Variants in SIRPB1 observed in about 807,000 individuals in gnomAD.
SIRPB1 encodes signal regulatory protein beta 1.
Under a neutral mutation model 34.1 loss-of-function variants are expected in SIRPB1, and 28 were observed. The ratio of observed to expected loss-of-function variants is 0.82; its 90% confidence interval spans 0.61 to 1.12. SIRPB1 has a LOEUF of 1.12. Ranked by LOEUF, SIRPB1 falls within the 50% of genes most tolerant of loss-of-function variation. SIRPB1 has a pLI of 0.00. For synonymous variants in SIRPB1, 211 were observed against 203.8 expected (o/e 1.04, Z -0.30); for missense variants, 499 against 507.0 (o/e 0.98, Z 0.15).
chr20:1,569,327 C>A (rs2091190459), intron 4 of SIRPB1, among the ~76,000 whole-genome samples: 1 of 152,160 alleles, frequency 6.6e-6, no homozygotes, highest in African/African-American at 2.4e-5. Flanking sequence ...ATGTATGCTC[C>A]ATTTTAGATG....
rs2091463751 is a variant in SIRPB1 at position 1,598,200 on chromosome 20, C to T, written c.77-19506G>A. On this transcript the variant is annotated intron_variant, in intron 1 of 5. Transcript: ENST00000381605. ...GGGAAGGAGCTGTGGGTAACATGTC[C>T]ATATTTAATCATCTGCTCATCATTT... 5.4e-6 allele frequency: 2 copies of T among 371,324 alleles called. 1 individual carries two copies. The highest frequency in any genetic ancestry group is 6.2e-6 in the Non-Finnish European group (2 of 324,858). The allele number at this position is 371,324 out of a possible 1,614,324, so 23.0% of individuals were successfully genotyped here. A position where few individuals can be genotyped will look rare whatever the true frequency, so the allele number is the denominator to read the frequency against.
At chr20:1,614,986 CT>C in intron 1 of SIRPB1, among the ~76,000 whole-genome samples, 1 of 152,148 alleles carries the variant, frequency 6.6e-6, no homozygotes, top group South Asian at 2.1e-4. Context: ...ATCTGCCTTT[CT>C]TCAAGAGCAC....
At chr20:1,618,632 C>T (rs1165195954) in intron 1 of SIRPB1, among the ~76,000 whole-genome samples, 2 of 152,176 alleles carry the variant, frequency 1.3e-5, no homozygotes, top group Non-Finnish European at 2.9e-5. Context: ...CCCTCTAGGG[C>T]CTGTGAGGTG....
rs1568699426 is a variant in SIRPB1 at position 1,603,817 on chromosome 20, A to C, written c.76+16052T>G. ...AATTTGAAGTAACCTTACCAGGAGCAGTATTTGAGCCCTGCTCCTTCGGGT... is the reference window on the plus strand; with the variant it reads ...AATTTGAAGTAACCTTACCAGGAGCCGTATTTGAGCCCTGCTCCTTCGGGT... On this transcript the variant is annotated intron_variant, in intron 1 of 5. Coordinates refer to ENST00000381605, the MANE Select transcript of SIRPB1 (RefSeq NM_006065.5). 3.4e-6 allele frequency: 2 copies of C among 595,702 alleles called. 1 individual carries two copies. 36.9% of individuals were successfully genotyped at this position (595,702 alleles called of 1,614,324 possible).
At position 1,564,151 on chromosome 20, in the gene SIRPB1, C is replaced by T. The variant is rs2091100084; in HGVS notation, c.*1349G>A. The stretch of plus-strand genomic sequence containing the variant: ...AGTGTGAGAGTTTCTAATATTTTGA[C>T]AAAAAATGGTAAAGGTCACAGAATG... On this transcript the variant is annotated 3_prime_UTR_variant, in exon 6 of 6. Transcript: ENST00000381605. The T allele has an allele frequency of 1.3e-5, 2 of 151,994 alleles. No individual in the cohort carries two copies. Among genetic ancestry groups the T allele is most frequent in the South Asian group, 2.1e-4 (1 of 4,830 alleles). The allele number at this position is 151,994 out of a possible 1,614,324, so 9.4% of individuals were successfully genotyped here.
Position 1,578,399 on chromosome 20 carries a change from C to G in SIRPB1, c.372G>C (p.Arg124=), listed in dbSNP as rs1335034552. Residue 124 remains arginine, a synonymous_variant, in exon 2 of 6, where the codon CGG becomes CGC. Coordinates refer to ENST00000381605, the MANE Select transcript of SIRPB1 (RefSeq NM_006065.5). ...DAGTYYCVKF[R]KGSPDDVEFK... is the part of the protein sequence containing the mutation. Reference sequence around the variant, plus strand: ...ACTCCACGTCGTCAGGGCTCCCTTTCCGGAACTTCACACAGTAGTAGGTGC... The same window carrying G: ...ACTCCACGTCGTCAGGGCTCCCTTTGCGGAACTTCACACAGTAGTAGGTGC... The G allele has an allele frequency of 6.3e-7, 1 of 1,587,794 alleles. No individual in the cohort carries two copies.
chr20:1,566,331 C>A, intron 4 of SIRPB1, 64 bp from the exon 5 acceptor site: 1 of 948,650 alleles, frequency 1.1e-6, no homozygotes. Context: ...CCAGGGGCCT[C>A]CACTTACCCC....
At chr20:1,579,239 A>G (rs1242411000) in intron 1 of SIRPB1, among the ~76,000 whole-genome samples, 1 of 148,286 alleles carries the variant, frequency 6.7e-6, no homozygotes, top group Non-Finnish European at 1.5e-5. Context: ...GGTGTCAGCC[A>G]CCGCGCCTGG....
intron 1 of SIRPB1, among the ~76,000 whole-genome samples, chr20:1,612,142 G>A (rs117788504): frequency 0.35 from 24,397 of 70,428 alleles, 10,574 homozygotes; most frequent in Middle Eastern, 0.51. Context: ...CCACAGGTGC[G>A]TTCCACCATA....
Position 1,562,306 on chromosome 20 carries a change from A to C in SIRPB1, c.*3194T>G. Among the ~76,000 whole-genome samples the C allele has an allele frequency of 6.6e-6, 1 of 152,166 alleles. No individual in the cohort carries two copies. Among genetic ancestry groups the C allele is most frequent in the East Asian group, 1.9e-4 (1 of 5,198 alleles). On this transcript the variant is annotated 3_prime_UTR_variant, in exon 6 of 6. Transcript: ENST00000381605. ...ACAAGCCAAGTGATCAAATGAAGAG[A>C]AGTTTTCTTTTGAAATCCAACACCT...
chr20:1,571,030 A>G lies in SIRPB1; in HGVS notation c.859T>C (p.Leu287=), dbSNP rs1600101414. The change falls in exon 4 of 6, where the codon TTG becomes CTG. Residue 287 remains leucine, a synonymous_variant. Transcript: ENST00000381605. ...FYPRGLQLTW[L]ENGNVSRTET... is the part of the protein sequence containing the mutation. ...GTCCGGGACACATTTCCATTCTCCA[A>G]CCAGGTCAGCTGTAGTCCCCGGGGG... 5.6e-6 allele frequency: 9 copies of G among 1,613,938 alleles called. No individual in the cohort carries two copies. The highest frequency in any genetic ancestry group is 2.2e-5 in the East Asian group (1 of 44,886).
chr20:1,576,585 C>G (rs1291287374), intron 2 of SIRPB1, among the ~76,000 whole-genome samples: 1 of 148,080 alleles, frequency 6.8e-6, no homozygotes, highest in Non-Finnish European at 1.5e-5. Flanking sequence ...GATGCTAGAG[C>G]CAGATGTTAA....
In SIRPB1 at chr20:1,600,862, G is replaced by A. The variant is rs1206328325; in HGVS notation, c.76+19007C>T. Among the ~76,000 whole-genome samples the A allele has an allele frequency of 4.1e-5, 2 of 49,320 alleles. 1 individual carries two copies. Among genetic ancestry groups the A allele is most frequent in the Non-Finnish European group, 7.8e-5 (2 of 25,494 alleles). 32.4% of individuals were successfully genotyped at this position (49,320 alleles called of 152,430 possible). A position where few individuals can be genotyped will look rare whatever the true frequency, so the allele number is the denominator to read the frequency against. ...CTCATCAAGATCAGCTGGCAATGAG[G>A]ACCCCAGGGCTGGTAGTGAATGGAG... is the stretch of plus-strand genomic sequence containing the variant. On this transcript the variant is annotated intron_variant, in intron 1 of 5. Transcript: ENST00000381605.
intron 4 of SIRPB1, among the ~76,000 whole-genome samples, chr20:1,569,746 G>A (rs1282554243): frequency 6.6e-6 from 1 of 152,224 alleles, no homozygotes; most frequent in East Asian, 1.9e-4. Flanking sequence ...AATCACAAAG[G>A]ATGTTGAATG....
In SIRPB1 at chr20:1,619,853, C is replaced by A. The variant is rs377495092; in HGVS notation, c.76+16G>T. 37 of 1,586,736 alleles carry A rather than the reference C, an allele frequency of 2.3e-5. No individual in the cohort carries two copies. In the African/African-American group the frequency reaches 3.5e-4, roughly 15 times the overall value. ...AGTGGGCAGGAAAAAAGATTTTAAC[C>A]GAAGGCAGTGCTCACCTGTGAGTCT... On this transcript the variant is annotated intron_variant, in intron 1 of 5. Coordinates refer to ENST00000381605, the MANE Select transcript of SIRPB1 (RefSeq NM_006065.5).
In SIRPB1 at chr20:1,571,974, C is replaced by G; in HGVS notation, c.497G>C (p.Ser166Thr). The G allele has an allele frequency of 6.2e-7, 1 of 1,614,152 alleles. No individual in the cohort carries two copies. Residue 166 changes from serine to threonine, a missense_variant, in exon 3 of 6, where the codon AGC (serine) becomes ACC (threonine). Physicochemically the swap from Ser to Thr is moderately conservative, Grantham distance 58. Transcript: ENST00000381605. Reference sequence around the variant, plus strand: ...GAAGCCATGGGACTCGCAGGTGAAGCTCACTGTGTGCTCAGGTGTGGCCCT... The same window carrying G: ...GAAGCCATGGGACTCGCAGGTGAAGGTCACTGTGTGCTCAGGTGTGGCCCT... ...AVRATPEHTV[S>T]FTCESHGFSP... is the part of the protein sequence containing the mutation.
Position 1,571,993 on chromosome 20 carries a change from T to C in SIRPB1, c.478A>G (p.Thr160Ala), listed in dbSNP as rs1209779251. 10 of 1,614,052 alleles carry C rather than the reference T, an allele frequency of 6.2e-6. No homozygotes were observed. Among genetic ancestry groups the C allele is most frequent in the Non-Finnish European group, 8.5e-6 (10 of 1,179,986 alleles). ...PVVSGPAVRA[T>A]PEHTVSFTCE... Reference sequence around the variant, plus strand: ...GTGAAGCTCACTGTGTGCTCAGGTGTGGCCCTCACCGCAGGGCCCGATACC... The same window carrying C: ...GTGAAGCTCACTGTGTGCTCAGGTGCGGCCCTCACCGCAGGGCCCGATACC... Residue 160 changes from threonine (T) to alanine (A), a missense_variant, in exon 3 of 6, where the codon ACA (threonine) becomes GCA (alanine). Coordinates refer to ENST00000381605, the MANE Select transcript of SIRPB1 (RefSeq NM_006065.5).
At chr20:1,573,727 C>A (rs2091274664) in intron 2 of SIRPB1, among the ~76,000 whole-genome samples, 1 of 146,904 alleles carries the variant, frequency 6.8e-6, no homozygotes, top group Non-Finnish European at 1.5e-5. Context: ...CAGAGGGGGT[C>A]CTCATGTGAG....
At chr20:1,572,520 C>G (rs960896052) in intron 2 of SIRPB1, among the ~76,000 whole-genome samples, 1 of 150,892 alleles carries the variant, frequency 6.6e-6, no homozygotes, top group Admixed American at 6.6e-5. Flanking sequence ...GCTCCTCATC[C>G]GCAAAACAGG....
Sources: allele counts gnomAD v4.1 joint callset (sites outside exome capture counted in the v4.1 genomes callset), GRCh38; gene constraint gnomAD v4.1.1; transcripts MANE v1.5; gene names NCBI Gene and HGNC (gene_info 2026-07-23, HGNC 2026-07-21).